Variants in ARPC1A observed in about 807,000 individuals in gnomAD.
ARPC1A encodes actin related protein 2/3 complex subunit 1A, also known as actin-related protein 2/3 complex subunit 1A.
Under a neutral mutation model 46.9 loss-of-function variants are expected in ARPC1A, and 8 were observed. The observed-to-expected ratio is 0.17, with a 90% CI of 0.10 to 0.31. The LOEUF (loss-of-function observed/expected upper bound fraction) is 0.31, where lower values mean the gene tolerates loss of function less well. Ranked by LOEUF, ARPC1A falls within the 10% of genes least tolerant of loss-of-function variation. The probability of loss-of-function intolerance (pLI) is 1.00; values close to 1 mark genes in which losing one functional copy is unlikely to be tolerated. For synonymous variants in ARPC1A, 152 were observed against 169.0 expected, an observed-to-expected ratio of 0.90 and a Z score of 0.78; for missense variants, 286 against 483.6, an observed-to-expected ratio of 0.59 and a Z score of 3.83.
intron 3 of ARPC1A, among the ~76,000 whole-genome samples, chr7:99,340,742 C>T (rs1793345151): frequency 6.6e-6 from 1 of 152,198 alleles, no homozygotes; most frequent in South Asian, 2.1e-4. Context: ...AATGAGAGAA[C>T]TTAGCATGTT....
chr7:99,336,892 CAGG>C (rs1793264291), intron 2 of ARPC1A, among the ~76,000 whole-genome samples: 1 of 151,914 alleles, frequency 6.6e-6, no homozygotes, highest in African/African-American at 2.4e-5. Flanking sequence ...GAGGCCAAGG[CAGG>C]AGAATTGCTT....
At chr7:99,336,980 A>G (rs2150861362) in intron 2 of ARPC1A, among the ~76,000 whole-genome samples, 1 of 152,114 alleles carries the variant, frequency 6.6e-6, no homozygotes, top group African/African-American at 2.4e-5. Flanking sequence ...ATTAAATTCA[A>G]TTAAAAAAAA....
chr7:99,349,574 C>A (rs1296493423), intron 5 of ARPC1A, among the ~76,000 whole-genome samples: 1 of 151,960 alleles, frequency 6.6e-6, no homozygotes, highest in African/African-American at 2.4e-5. Flanking sequence ...CGCAGTAGCT[C>A]ACGCCCGTAA....
At chr7:99,355,744 A>C (rs1793616721) in intron 6 of ARPC1A, among the ~76,000 whole-genome samples, 2 of 146,982 alleles carry the variant, frequency 1.4e-5, no homozygotes, top group South Asian at 4.3e-4. Context: ...ACTCCATCTC[A>C]AAAAAAAAAA....
chr7:99,336,083 G>C (rs974076604), intron 2 of ARPC1A, among the ~76,000 whole-genome samples: 1 of 152,104 alleles, frequency 6.6e-6, no homozygotes. Flanking sequence ...TATATCTTCT[G>C]TTTCCACTTT....
chr7:99,359,924 G>A (rs2150874375), intron 8 of ARPC1A, 186 bp downstream of exon 8: 1 of 689,402 alleles, frequency 1.5e-6, no homozygotes, highest in Non-Finnish European at 2.4e-6. Context: ...TGGTAGGGAG[G>A]GAGTCGCCAC....
intron 8 of ARPC1A, among the ~76,000 whole-genome samples, chr7:99,360,811 C>A (rs955104290): frequency 2.0e-5 from 3 of 151,870 alleles, no homozygotes; most frequent in Non-Finnish European, 4.4e-5. Flanking sequence ...CATGGTGGTA[C>A]ACACCTGTAA....
intron 5 of ARPC1A, among the ~76,000 whole-genome samples, chr7:99,351,023 G>A (rs1793535999): frequency 1.3e-5 from 2 of 151,294 alleles, no homozygotes; most frequent in African/African-American, 4.9e-5. Context: ...AATACTCAAA[G>A]CTTAAAAAAA....
chr7:99,344,920 CTTTTTTT>C (rs1172071932), intron 4 of ARPC1A, among the ~76,000 whole-genome samples: 4 of 20,100 alleles, frequency 2.0e-4, no homozygotes, highest in Admixed American at 5.4e-4. Context: ...TAACAATGTT[CTTTTTTT>C]TTTTTTTTTT....
rs142247800 is a variant in ARPC1A at position 99,359,563 on chromosome 7, A to G, written c.808A>G (p.Met270Val). 4.3e-5 allele frequency: 69 copies of G among 1,614,040 alleles called. No individual in the cohort carries two copies. Among genetic ancestry groups the G allele is most frequent in the Middle Eastern group, 1.7e-4 (1 of 6,048 alleles). Reference sequence around the variant, plus strand: ...GTTTCAGGGCCATGACTGCTGCCCAATGCTCTTTAACTACGATGACCGCGG... The same window carrying G: ...GTTTCAGGGCCATGACTGCTGCCCAGTGCTCTTTAACTACGATGACCGCGG... ...VVAAGHDCCP[M>V]LFNYDDRGCL... Residue 270 changes from methionine (M) to valine (V), a missense_variant, in exon 8 of 10, where the codon ATG becomes GTG. Around this residue, in one of 5 missense-constraint regions of ARPC1A, gnomAD observed 182 missense variants for 276.7 expected, o/e 0.66. Transcript: ENST00000262942.
chr7:99,358,290 G>T, intron 6 of ARPC1A, 50 bp from the exon 7 acceptor site: 1 of 1,562,604 alleles, frequency 6.4e-7, no homozygotes, highest in South Asian at 1.1e-5. Context: ...TGTCTGTAAA[G>T]AAGCTAATAG....
At chr7:99,342,866 G>A (rs930116956) in intron 3 of ARPC1A, among the ~76,000 whole-genome samples, 2 of 151,552 alleles carry the variant, frequency 1.3e-5, no homozygotes, top group African/African-American at 4.9e-5. Context: ...GGGACTACAC[G>A]CGCCTGTCAC....
intron 1 of ARPC1A, among the ~76,000 whole-genome samples, chr7:99,326,289 G>A (rs1217397157): frequency 1.3e-5 from 2 of 152,194 alleles, no homozygotes; most frequent in Non-Finnish European, 2.9e-5. Context: ...TCTGCTGGGG[G>A]CATTTGTCAC....
intron 1 of ARPC1A, among the ~76,000 whole-genome samples, chr7:99,328,006 A>G (rs188834155): frequency 7.3e-6 from 1 of 137,120 alleles, no homozygotes; most frequent in African/African-American, 2.7e-5. Flanking sequence ...AGTAGGGCCA[A>G]GAATTTATAG....
chr7:99,341,203 G>C (rs1250216132), intron 3 of ARPC1A, among the ~76,000 whole-genome samples: 1 of 152,090 alleles, frequency 6.6e-6, no homozygotes, highest in Non-Finnish European at 1.5e-5. Context: ...CAGCTACTCA[G>C]GAGGCTGAGA....
chr7:99,333,974 G>GA (rs897355621), intron 2 of ARPC1A, among the ~76,000 whole-genome samples: 2 of 143,258 alleles, frequency 1.4e-5, no homozygotes, highest in Non-Finnish European at 1.5e-5. Flanking sequence ...CTGTCTCTAC[G>GA]AAAAAAAATA....
intron 1 of ARPC1A, among the ~76,000 whole-genome samples, chr7:99,329,533 G>A (rs1474990149): frequency 6.6e-6 from 1 of 152,210 alleles, no homozygotes; most frequent in Non-Finnish European, 1.5e-5. Flanking sequence ...ATGAATGCAA[G>A]TGGTGTTTGC....
intron 4 of ARPC1A, among the ~76,000 whole-genome samples, chr7:99,346,739 C>T (rs1289453870): frequency 6.6e-6 from 1 of 152,118 alleles, no homozygotes; most frequent in Non-Finnish European, 1.5e-5. Flanking sequence ...CAGCACTTTG[C>T]GAGGCCAAGG....
chr7:99,335,079 C>G (rs982026982), intron 2 of ARPC1A, among the ~76,000 whole-genome samples: 1 of 152,108 alleles, frequency 6.6e-6, no homozygotes, highest in Non-Finnish European at 1.5e-5. Context: ...CTCCTGACCT[C>G]GTGATCTGCC....
Sources: allele counts gnomAD v4.1 joint callset (sites outside exome capture counted in the v4.1 genomes callset), GRCh38; gene constraint gnomAD v4.1.1; regional missense constraint gnomAD v4.1.1; transcripts MANE v1.5; gene names NCBI Gene and HGNC (gene_info 2026-07-23, HGNC 2026-07-21).